The following ULK4 variants were observed in gnomAD, a reference collection of about 807,000 sequenced individuals.
ULK4 encodes unc-51 like kinase 4.
ULK4 carries 133 observed loss-of-function variants against 160.6 expected under a neutral mutation model. The ratio of observed to expected loss-of-function variants is 0.83; its 90% CI spans 0.72 to 0.96. ULK4 has a LOEUF of 0.96. Among genes scored for constraint, ULK4 ranks in the 40% least tolerant of loss-of-function variants. ULK4 has a pLI of 0.00. For missense variants in ULK4, 1,580 were observed against 1,499.5 expected, an observed-to-expected ratio of 1.05 and a Z score of -0.89; for synonymous variants, 534 against 539.8, an observed-to-expected ratio of 0.99 and a Z score of 0.15.
Position 41,711,375 on chromosome 3 carries a change from C to A in ULK4, c.2634+3862G>T, listed in dbSNP as rs555474372. Among the ~76,000 whole-genome samples, 225 of 152,128 alleles carry A rather than the reference C, an allele frequency of 1.5e-3. 1 individual carries two copies. The highest frequency in any genetic ancestry group is 2.1e-3 in the Non-Finnish European group (144 of 68,002). On this transcript the variant is annotated intron_variant, in intron 25 of 36. Coordinates refer to ENST00000301831, the MANE Select transcript of ULK4 (RefSeq NM_017886.4). ...GGGGGTGTGAAGCAGTGTGTGCCAG[C>A]GCTCTCAATATCATTCAGTGATCCC...
At chr3:41,796,753 T>C (rs192951438) in intron 20 of ULK4, among the ~76,000 whole-genome samples, 26 of 152,256 alleles carry the variant, frequency 1.7e-4, no homozygotes, top group East Asian at 7.7e-4. Flanking sequence ...TAGCTTTGAA[T>C]AGTGAGAAGC....
intron 5 of ULK4, among the ~76,000 whole-genome samples, chr3:41,924,279 A>G (rs1018178114): frequency 1.3e-5 from 2 of 152,140 alleles, no homozygotes; most frequent in Non-Finnish European, 2.9e-5. Context: ...TGAATTCTCA[A>G]AGTCTCCAGG....
chr3:41,462,754 C>T (rs1422359956), intron 33 of ULK4, among the ~76,000 whole-genome samples: 4 of 152,166 alleles, frequency 2.6e-5, no homozygotes, highest in African/African-American at 7.2e-5. Context: ...ACTGGAGAGC[C>T]ACCTCAGGAC....
At chr3:41,919,494 C>T (rs377475712) in intron 6 of ULK4, among the ~76,000 whole-genome samples, 369 of 152,088 alleles carry the variant, frequency 2.4e-3, no homozygotes, top group African/African-American at 7.9e-3. Flanking sequence ...CCCAGCTACT[C>T]GGGAAGCTGA....
intron 21 of ULK4, among the ~76,000 whole-genome samples, chr3:41,775,974 G>A (rs1249680337): frequency 5.3e-5 from 8 of 150,706 alleles, no homozygotes; most frequent in African/African-American, 2.0e-4. Context: ...ACACTACTGT[G>A]ATAAATAATT....
chr3:41,849,319 G>A (rs1406688066), intron 17 of ULK4, among the ~76,000 whole-genome samples: 1 of 152,196 alleles, frequency 6.6e-6, no homozygotes, highest in African/African-American at 2.4e-5. Flanking sequence ...AGAAGCATTT[G>A]TATAGCAGCT....
chr3:41,387,364 CTTTT>C (rs548538152), intron 35 of ULK4, among the ~76,000 whole-genome samples: 1 of 150,818 alleles, frequency 6.6e-6, no homozygotes, highest in Non-Finnish European at 1.5e-5. Context: ...AATTTTGTAT[CTTTT>C]TTTTTCTTTT....
rs907860846 is a variant in ULK4, at chr3:41,733,677, T to A, written c.2322-15816A>T. Among the ~76,000 whole-genome samples the A allele has an allele frequency of 4.0e-5, 6 of 150,954 alleles. 1 individual carries two copies. The East Asian group carries it at 7.8e-4, about 20-fold the overall frequency. Reference sequence around the variant, plus strand: ...CTTTTTTAGACATTCCATTGAAAAATTAGACTTTCATATAATCAAGATTGC... The same window carrying A: ...CTTTTTTAGACATTCCATTGAAAAAATAGACTTTCATATAATCAAGATTGC... On this transcript the variant is annotated intron_variant, in intron 22 of 36. Coordinates refer to ENST00000301831, the MANE Select transcript of ULK4 (RefSeq NM_017886.4).
Position 41,819,637 on chromosome 3 carries a change from A to G in ULK4, c.1765-131T>C, listed in dbSNP as rs559403635. ...TAATAGTCTATTTAAAGTATTACTT[A>G]CTATCTGATGATAACGACTAGATCA... On this transcript the variant is annotated intron_variant, in intron 18 of 36. Transcript: ENST00000301831. 12 of 685,304 alleles carry G rather than the reference A, an allele frequency of 1.8e-5. No homozygotes were observed. In the African/African-American group the frequency reaches 2.2e-4, roughly 12 times the overall value. 42.5% of individuals were successfully genotyped at this position (685,304 alleles called of 1,614,324 possible).
chr3:41,320,074 A>AT (rs2125729322), intron 35 of ULK4, among the ~76,000 whole-genome samples: 1 of 152,382 alleles, frequency 6.6e-6, no homozygotes, highest in East Asian at 1.9e-4. Flanking sequence ...ATTATGGAAT[A>AT]TGCTACACAT....
At chr3:41,864,445 CG>C (rs2042573134) in intron 17 of ULK4, among the ~76,000 whole-genome samples, 1 of 152,050 alleles carries the variant, frequency 6.6e-6, no homozygotes, top group African/African-American at 2.4e-5. Context: ...GAGTGCTCAC[CG>C]GATTTTTGGT....
chr3:41,493,825 C>G (rs1043547836), intron 32 of ULK4, among the ~76,000 whole-genome samples: 3 of 145,224 alleles, frequency 2.1e-5, no homozygotes, highest in Non-Finnish European at 4.6e-5. Flanking sequence ...ACTAGAAAAT[C>G]TAGAAGAAAT....
intron 32 of ULK4, among the ~76,000 whole-genome samples, chr3:41,464,706 G>T (rs527893924): frequency 1.3e-5 from 2 of 152,258 alleles, no homozygotes; most frequent in East Asian, 3.9e-4. Flanking sequence ...TTCATTTGGG[G>T]GTTCCTGATG....
intron 21 of ULK4, among the ~76,000 whole-genome samples, chr3:41,761,337 TATC>T (rs1341081823): frequency 5.4e-5 from 8 of 148,604 alleles, no homozygotes; most frequent in African/African-American, 1.7e-4. Context: ...TGTTATATAT[TATC>T]ATACATATAT....
intron 17 of ULK4, among the ~76,000 whole-genome samples, chr3:41,837,554 TATATCA>T (rs2041794889): frequency 6.7e-6 from 1 of 150,150 alleles, no homozygotes; most frequent in African/African-American, 2.5e-5. Context: ...TGTTGCTGCA[TATATCA>T]ATAACTTTTT....
At chr3:41,518,689 G>A (rs995480250) in intron 32 of ULK4, among the ~76,000 whole-genome samples, 3 of 152,162 alleles carry the variant, frequency 2.0e-5, no homozygotes, top group African/African-American at 7.2e-5. Flanking sequence ...TAAAAGAGAA[G>A]GCGTTAGAGA....
intron 6 of ULK4, among the ~76,000 whole-genome samples, chr3:41,919,270 A>G (rs1338739225): frequency 6.6e-6 from 1 of 152,100 alleles, no homozygotes; most frequent in Admixed American, 6.5e-5. Flanking sequence ...ATACCAAGCA[A>G]CTCAGCCAAA....
intron 3 of ULK4, among the ~76,000 whole-genome samples, chr3:41,937,646 A>G (rs1699822644): frequency 1.3e-5 from 2 of 152,190 alleles, no homozygotes; most frequent in African/African-American, 2.4e-5. Flanking sequence ...CTAGAAAGCT[A>G]TATGAAGCAA....
At chr3:41,430,050 A>G (rs2082869395) in intron 34 of ULK4, among the ~76,000 whole-genome samples, 1 of 152,222 alleles carries the variant, frequency 6.6e-6, no homozygotes, top group Non-Finnish European at 1.5e-5. Flanking sequence ...ATACTTAAAT[A>G]ATATAAGATT....
Sources: gnomAD v4.1 joint callset for allele counts (sites outside exome capture counted in the v4.1 genomes callset) on GRCh38, gnomAD v4.1.1 for gene constraint, MANE v1.5 for transcripts, NCBI Gene and HGNC (gene_info 2026-07-23, HGNC 2026-07-21) for gene names.